The following LINGO2 variants were observed in gnomAD, a reference collection of about 807,000 sequenced individuals.
LINGO2 encodes the protein leucine-rich repeat and immunoglobulin-like domain-containing nogo receptor-interacting protein 2.
LINGO2 carries 14 observed loss-of-function variants against 30.6 expected under a neutral mutation model. The observed-to-expected ratio is 0.46, with a 90% CI of 0.30 to 0.72. The LOEUF is 0.72. Ranked by LOEUF, LINGO2 falls within the 30% of genes least tolerant of loss-of-function variation. LINGO2 has a pLI of 0.07. For synonymous variants in LINGO2, 317 were observed against 288.5 expected (o/e 1.10, Z -1.00); for missense variants, 729 against 751.7 (o/e 0.97, Z 0.35).
intron 4 of LINGO2, among the ~76,000 whole-genome samples, chr9:28,180,669 C>G (rs542668296): frequency 8.5e-4 from 129 of 152,210 alleles, no homozygotes; most frequent in African/African-American, 3.0e-3. Flanking sequence ...AAAAGATAGA[C>G]TTGAGGCATT....
intron 3 of LINGO2, among the ~76,000 whole-genome samples, chr9:28,330,950 G>A (rs540865301): frequency 6.6e-6 from 1 of 152,104 alleles, no homozygotes; most frequent in Non-Finnish European, 1.5e-5. Context: ...GTAGGATACT[G>A]TTGCTATTTC....
chr9:28,326,893 G>T (rs1353047024), intron 3 of LINGO2, among the ~76,000 whole-genome samples: 2 of 152,096 alleles, frequency 1.3e-5, no homozygotes, highest in African/African-American at 4.8e-5. Flanking sequence ...ACTGAGAAAA[G>T]CACTAGGGGA....
chr9:28,096,237 C>G (rs1283651731), intron 4 of LINGO2, among the ~76,000 whole-genome samples: 2 of 152,120 alleles, frequency 1.3e-5, no homozygotes, highest in East Asian at 1.9e-4. Context: ...AAGTGAATGT[C>G]TATTAAGTAC....
intron 4 of LINGO2, among the ~76,000 whole-genome samples, chr9:28,180,673 A>G (rs994655417): frequency 6.6e-6 from 1 of 152,184 alleles, no homozygotes; most frequent in African/African-American, 2.4e-5. Context: ...GATAGACTTG[A>G]GGCATTAGCC....
chr9:28,630,923 A>G (rs1006243878), intron 1 of LINGO2, among the ~76,000 whole-genome samples: 1 of 151,906 alleles, frequency 6.6e-6, no homozygotes, highest in African/African-American at 2.4e-5. Context: ...TGGAGAGCAT[A>G]AAATATTCAC....
At chr9:27,950,242 A>C in exon 6 of LINGO2, 1 of 1,614,068 alleles carries the variant, frequency 6.2e-7, no homozygotes, top group Non-Finnish European at 8.5e-7. Context: ...TAGTCTAGTA[A>C]AATGACAATC....
the LINGO2 span, among the ~76,000 whole-genome samples, chr9:28,746,622 C>T: frequency 7.2e-5 from 11 of 151,908 alleles, no homozygotes; most frequent in East Asian, 3.9e-4. Context: ...AACCTCTATG[C>T]GTTTCAGCTT....
chr9:28,993,508 T>C, the LINGO2 span, among the ~76,000 whole-genome samples: 1 of 151,938 alleles, frequency 6.6e-6, no homozygotes, highest in Non-Finnish European at 1.5e-5. Flanking sequence ...CCTCCCTAAC[T>C]CATTTTATGA....
chr9:28,233,111 G>A (rs1350291928), intron 4 of LINGO2, among the ~76,000 whole-genome samples: 1 of 144,428 alleles, frequency 6.9e-6, no homozygotes, highest in Non-Finnish European at 1.5e-5. Context: ...TGTGTGTGGG[G>A]GGGTCTATGT....
intron 1 of LINGO2, among the ~76,000 whole-genome samples, chr9:28,642,574 T>C (rs1827644022): frequency 6.6e-6 from 1 of 152,162 alleles, no homozygotes; most frequent in African/African-American, 2.4e-5. Flanking sequence ...TTGTGACTAG[T>C]CTTAAGTGAT....
At chr9:28,936,723 T>C in the LINGO2 span, among the ~76,000 whole-genome samples, 3 of 152,364 alleles carry the variant, frequency 2.0e-5, no homozygotes, top group African/African-American at 7.2e-5. Flanking sequence ...TATTATCTGA[T>C]ATATGGCAAA....
chr9:29,188,325 A>G, the LINGO2 span, among the ~76,000 whole-genome samples: 1 of 151,846 alleles, frequency 6.6e-6, no homozygotes, highest in Non-Finnish European at 1.5e-5. Context: ...CAGAGAGCAC[A>G]GGGTTGGGGG....
chr9:28,862,284 A>AC, the LINGO2 span, among the ~76,000 whole-genome samples: 3 of 152,168 alleles, frequency 2.0e-5, no homozygotes, highest in Non-Finnish European at 4.4e-5. Flanking sequence ...GAATGGTAAT[A>AC]ATAAATACTG....
intron 1 of LINGO2, among the ~76,000 whole-genome samples, chr9:28,594,245 T>C (rs970974981): frequency 2.6e-5 from 4 of 152,082 alleles, no homozygotes; most frequent in African/African-American, 9.7e-5. Flanking sequence ...TCTTCTGTGG[T>C]CTTTGCTAAG....
intron 4 of LINGO2, among the ~76,000 whole-genome samples, chr9:28,160,171 A>G (rs1828245779): frequency 6.6e-6 from 1 of 152,158 alleles, no homozygotes; most frequent in Non-Finnish European, 1.5e-5. Flanking sequence ...ATGTTCTGCT[A>G]GATAAGAGAG....
chr9:28,418,545 G>A (rs1185565116), intron 2 of LINGO2, among the ~76,000 whole-genome samples: 1 of 151,930 alleles, frequency 6.6e-6, no homozygotes, highest in African/African-American at 2.4e-5. Context: ...CCAAAGTTTT[G>A]GGATTACGGG....
At chr9:28,848,102 G>T in the LINGO2 span, among the ~76,000 whole-genome samples, 1 of 48,984 alleles carries the variant, frequency 2.0e-5, no homozygotes, top group Non-Finnish European at 4.4e-5. Context: ...TACGCATAGT[G>T]TATATATACA....
intron 1 of LINGO2, among the ~76,000 whole-genome samples, chr9:28,580,497 C>T (rs1824207336): frequency 6.6e-6 from 1 of 151,948 alleles, no homozygotes; most frequent in African/African-American, 2.4e-5. Flanking sequence ...AATCAGAGAT[C>T]TCTATGGAAG....
chr9:28,942,178 C>T, the LINGO2 span, among the ~76,000 whole-genome samples: 2 of 152,114 alleles, frequency 1.3e-5, no homozygotes, highest in Non-Finnish European at 2.9e-5. Context: ...ATTGGCAGAC[C>T]ATAATTGGAA....
Sources: gnomAD v4.1 joint callset for allele counts (sites outside exome capture counted in the v4.1 genomes callset) on GRCh38, gnomAD v4.1.1 for gene constraint, MANE v1.5 for transcripts, NCBI Gene and HGNC (gene_info 2026-07-23, HGNC 2026-07-21) for gene names.